TBC1D5: variants seen among roughly 807,000 people sequenced by gnomAD.
TBC1D5 encodes the protein TBC1 domain family, member 5.
In TBC1D5, 75 loss-of-function variants were observed where a neutral mutation model predicts 100.3. The ratio of observed to expected loss-of-function variants is 0.75; its 90% CI spans 0.62 to 0.91. The LOEUF (loss-of-function observed/expected upper bound fraction) is 0.91, where lower values mean the gene tolerates loss of function less well. TBC1D5 is among the 40% of genes least tolerant of loss of function. TBC1D5 has a pLI of 0.00. For missense variants in TBC1D5, 910 were observed against 942.4 expected (o/e 0.97, Z 0.45); for synonymous variants, 323 against 325.6 (o/e 0.99, Z 0.09).
At chr3:17,426,868 CT>C in intron 4 of TBC1D5, among the ~76,000 whole-genome samples, 1 of 151,850 alleles carries the variant, frequency 6.6e-6, no homozygotes, top group East Asian at 1.9e-4. Context: ...TGGGATTTTC[CT>C]TCCTTTGAAA....
At chr3:17,741,154 CAT>C (rs537505884), upstream of TBC1D5, among the ~76,000 whole-genome samples, 669 of 152,350 alleles carry the variant, frequency 4.4e-3, 2 homozygotes, top group African/African-American at 0.013. Flanking sequence ...TCCAGCTGCA[CAT>C]GTTATCAGAA....
intron 17 of TBC1D5, among the ~76,000 whole-genome samples, chr3:17,222,947 T>A (rs1022998315): frequency 3.9e-5 from 6 of 152,100 alleles, no homozygotes; most frequent in Non-Finnish European, 7.4e-5. Context: ...GGGACCATTA[T>A]AACTTTTTTT....
At chr3:17,525,371 T>A (rs2096120769) in intron 2 of TBC1D5, among the ~76,000 whole-genome samples, 1 of 152,206 alleles carries the variant, frequency 6.6e-6, no homozygotes, top group Non-Finnish European at 1.5e-5. Flanking sequence ...TGTCAGGTGA[T>A]CTACCTGCCT....
At chr3:17,495,855 GA>G (rs2095700568) in intron 3 of TBC1D5, among the ~76,000 whole-genome samples, 1 of 152,160 alleles carries the variant, frequency 6.6e-6, no homozygotes, top group Non-Finnish European at 1.5e-5. Flanking sequence ...CCTACTTTAT[GA>G]TGTTCAGAAA....
chr3:17,499,621 G>GC (rs1002601883), intron 3 of TBC1D5, among the ~76,000 whole-genome samples: 4 of 147,436 alleles, frequency 2.7e-5, no homozygotes, highest in Middle Eastern at 6.8e-3. Context: ...TCTGAACCCT[G>GC]CCAGGTCAAG....
chr3:17,404,631 C>T (rs1392239781), intron 7 of TBC1D5, 63 bp downstream of exon 7: 12 of 1,431,618 alleles, frequency 8.4e-6, no homozygotes, highest in Non-Finnish European at 1.1e-5. Flanking sequence ...GACTGGCAAC[C>T]AGTCATATAA....
chr3:17,433,225 A>T (rs944446090), intron 3 of TBC1D5, among the ~76,000 whole-genome samples: 1 of 152,234 alleles, frequency 6.6e-6, no homozygotes, highest in African/African-American at 2.4e-5. Flanking sequence ...CTACTTTAGA[A>T]GAAGCAGCGG....
chr3:17,462,136 C>T (rs892650048), intron 3 of TBC1D5, among the ~76,000 whole-genome samples: 10 of 151,862 alleles, frequency 6.6e-5, no homozygotes, highest in Non-Finnish European at 1.5e-4. Flanking sequence ...TTTCTTCTTT[C>T]CCCTCAGAAA....
intron 13 of TBC1D5, among the ~76,000 whole-genome samples, chr3:17,348,183 T>C (rs2090141559): frequency 6.6e-6 from 1 of 152,228 alleles, no homozygotes; most frequent in Non-Finnish European, 1.5e-5. Flanking sequence ...TCTCCTATAA[T>C]TGCAATAGCA....
intron 1 of TBC1D5, among the ~76,000 whole-genome samples, chr3:17,716,935 C>T (rs1164916090): frequency 6.6e-6 from 1 of 152,142 alleles, no homozygotes; most frequent in Non-Finnish European, 1.5e-5. Context: ...CTTAAGATTA[C>T]AGACTTTGGA....
At chr3:17,701,381 C>T (rs553324417) in intron 1 of TBC1D5, among the ~76,000 whole-genome samples, 6 of 152,156 alleles carry the variant, frequency 3.9e-5, no homozygotes, top group East Asian at 3.9e-4. Context: ...ATGTAAATGA[C>T]GAGCTGATGG....
intron 2 of TBC1D5, among the ~76,000 whole-genome samples, chr3:17,565,590 CAAAT>C (rs1011125521): frequency 1.3e-5 from 2 of 151,998 alleles, no homozygotes; most frequent in Admixed American, 1.3e-4. Context: ...TTGACAACAA[CAAAT>C]AGTTTTTTAT....
At chr3:17,361,295 A>T (rs2091683615) in intron 13 of TBC1D5, among the ~76,000 whole-genome samples, 1 of 151,982 alleles carries the variant, frequency 6.6e-6, no homozygotes, top group African/African-American at 2.4e-5. Flanking sequence ...TTAATCCCAC[A>T]TGTCTGGTCA....
chr3:17,557,091 T>C (rs896381822), intron 2 of TBC1D5, among the ~76,000 whole-genome samples: 1 of 152,214 alleles, frequency 6.6e-6, no homozygotes, highest in Non-Finnish European at 1.5e-5. Context: ...AAAAGCATAT[T>C]AGTGCTGACA....
At chr3:17,376,661 C>T (rs1475350693) in intron 9 of TBC1D5, 48 bp from the exon 10 acceptor site, 9 of 1,532,528 alleles carry the variant, frequency 5.9e-6, no homozygotes, top group Non-Finnish European at 8.1e-6. Flanking sequence ...ACTCAGAGTC[C>T]ATTAGTGGAC....
chr3:17,614,966 T>C (rs1306314759), intron 2 of TBC1D5, among the ~76,000 whole-genome samples: 2 of 152,202 alleles, frequency 1.3e-5, no homozygotes, highest in Non-Finnish European at 2.9e-5. Flanking sequence ...TGTGCTGGTT[T>C]TCAAAGGGAA....
intron 1 of TBC1D5, among the ~76,000 whole-genome samples, chr3:17,678,500 C>T (rs539625265): frequency 6.6e-6 from 1 of 151,884 alleles, no homozygotes; most frequent in African/African-American, 2.4e-5. Context: ...TTTTGGAAAA[C>T]AGATGAATAA....
intron 1 of TBC1D5, among the ~76,000 whole-genome samples, chr3:17,719,496 T>G (rs534327511): frequency 9.9e-5 from 15 of 152,262 alleles, no homozygotes; most frequent in Admixed American, 8.5e-4. Context: ...TTAACAGTAT[T>G]ACAGAATGTG....
intron 13 of TBC1D5, among the ~76,000 whole-genome samples, chr3:17,365,686 G>A (rs1575543055): frequency 6.6e-6 from 1 of 152,086 alleles, no homozygotes; most frequent in Non-Finnish European, 1.5e-5. Context: ...TTTTAAGGCT[G>A]GTTTCTAATC....
Sources: allele counts gnomAD v4.1 joint callset (sites outside exome capture counted in the v4.1 genomes callset), GRCh38; gene constraint gnomAD v4.1.1; transcripts MANE v1.5; gene names NCBI Gene and HGNC (gene_info 2026-07-23, HGNC 2026-07-21).